The following CEMIP variants were observed in gnomAD, a reference collection of about 807,000 sequenced individuals.
CEMIP encodes cell migration inducing hyaluronidase 1, also known as cell migration-inducing and hyaluronan-binding protein.
Under a neutral mutation model 156.9 loss-of-function variants are expected in CEMIP, and 105 were observed. The observed-to-expected ratio is 0.67, with a 90% confidence interval of 0.57 to 0.79. CEMIP has a LOEUF of 0.79. Ranked by LOEUF, CEMIP falls within the 30% of genes least tolerant of loss-of-function variation. The probability of loss-of-function intolerance (pLI) is 0.00; values close to 1 mark genes in which losing one functional copy is unlikely to be tolerated. For missense variants in CEMIP, 1,457 were observed against 1,769.4 expected (o/e 0.82, Z 3.17); for synonymous variants, 676 against 668.4 (o/e 1.01, Z -0.17).
intron 1 of CEMIP, among the ~76,000 whole-genome samples, chr15:80,871,388 G>A (rs1192623171): frequency 1.3e-5 from 2 of 152,170 alleles, no homozygotes; most frequent in African/African-American, 4.8e-5. Flanking sequence ...CCTCCATGTG[G>A]AATTATTTTT....
chr15:80,899,173 A>T (rs1250607607), intron 12 of CEMIP, among the ~76,000 whole-genome samples: 1 of 150,202 alleles, frequency 6.7e-6, no homozygotes. Flanking sequence ...AGATCATGCC[A>T]CTGCACTCCA....
intron 3 of CEMIP, 117 bp from the exon 4 acceptor site, chr15:80,878,604 T>A: frequency 2.2e-6 from 3 of 1,351,656 alleles, no homozygotes; most frequent in Non-Finnish European, 3.1e-6. Flanking sequence ...TGCTTTTAGC[T>A]CTAACAGAGA....
intron 1 of CEMIP, among the ~76,000 whole-genome samples, chr15:80,786,230 G>T (rs1895934092): frequency 6.6e-6 from 1 of 151,990 alleles, no homozygotes; most frequent in Non-Finnish European, 1.5e-5. Context: ...GGTTTGTGTT[G>T]CTATGTCTTT....
intron 19 of CEMIP, among the ~76,000 whole-genome samples, chr15:80,928,437 A>G (rs1900775471): frequency 6.6e-6 from 1 of 152,132 alleles, no homozygotes; most frequent in Non-Finnish European, 1.5e-5. Flanking sequence ...GTAGCTATTG[A>G]TGCCTCTCTC....
chr15:80,844,237 C>T (rs1337479233), intron 1 of CEMIP, among the ~76,000 whole-genome samples: 4 of 152,238 alleles, frequency 2.6e-5, no homozygotes, highest in African/African-American at 4.8e-5. Context: ...ACCCCTGTCG[C>T]GCCCTCCCCC....
chr15:80,848,295 C>T (rs750950596), intron 1 of CEMIP, among the ~76,000 whole-genome samples: 9 of 152,152 alleles, frequency 5.9e-5, no homozygotes, highest in South Asian at 2.1e-4. Context: ...GGAAGCCACT[C>T]ACGCTCCACA....
chr15:80,831,901 T>C (rs1318513058), intron 1 of CEMIP, among the ~76,000 whole-genome samples: 1 of 152,210 alleles, frequency 6.6e-6, no homozygotes, highest in Admixed American at 6.5e-5. Context: ...TTCCTCACGT[T>C]GATCTGTGTA....
intron 1 of CEMIP, among the ~76,000 whole-genome samples, chr15:80,780,804 C>A (rs1895771771): frequency 1.3e-5 from 2 of 152,156 alleles, no homozygotes; most frequent in African/African-American, 4.8e-5. Flanking sequence ...CCAGCCACTT[C>A]CTCCACTCGG....
chr15:80,782,613 G>A (rs1895826549), intron 1 of CEMIP, among the ~76,000 whole-genome samples: 1 of 152,026 alleles, frequency 6.6e-6, no homozygotes, highest in African/African-American at 2.4e-5. Context: ...CCACAAAAGT[G>A]TGTGTGTGTG....
At chr15:80,789,979 G>A (rs1040817116) in intron 1 of CEMIP, among the ~76,000 whole-genome samples, 3 of 152,192 alleles carry the variant, frequency 2.0e-5, no homozygotes, top group African/African-American at 4.8e-5. Flanking sequence ...GGAACGAGGG[G>A]CAGAGAGGCA....
At chr15:80,860,956 T>C (rs1426906748) in intron 1 of CEMIP, among the ~76,000 whole-genome samples, 1 of 152,116 alleles carries the variant, frequency 6.6e-6, no homozygotes, top group East Asian at 1.9e-4. Flanking sequence ...TGCCACCTTA[T>C]CAGAGAGAGC....
intron 10 of CEMIP, among the ~76,000 whole-genome samples, chr15:80,892,249 A>G (rs953360889): frequency 3.3e-5 from 5 of 152,174 alleles, no homozygotes; most frequent in Non-Finnish European, 7.4e-5. Flanking sequence ...TTTGCAACCT[A>G]GGCAAGATTG....
Position 80,940,233 on chromosome 15 carries a change from C to A in CEMIP, c.3408-1616C>A, listed in dbSNP as rs116290939. Among the ~76,000 whole-genome samples the A allele has an allele frequency of 6.8e-3, 1,035 of 152,264 alleles. 15 individuals carry two copies. Among genetic ancestry groups the A allele is most frequent in the African/African-American group, 0.024 (991 of 41,528 alleles). Reference sequence around the variant, plus strand: ...TGCCTTCCAGGGCTTTGCAGTTCAGCCAGCTTGCACACATCCAAGTTGTAG... The same window carrying A: ...TGCCTTCCAGGGCTTTGCAGTTCAGACAGCTTGCACACATCCAAGTTGTAG... On this transcript the variant is annotated intron_variant, in intron 25 of 29. Transcript: ENST00000394685.
At chr15:80,814,764 C>T (rs933480215) in intron 1 of CEMIP, among the ~76,000 whole-genome samples, 1 of 152,234 alleles carries the variant, frequency 6.6e-6, no homozygotes, top group Non-Finnish European at 1.5e-5. Flanking sequence ...AGAGATTTCA[C>T]TAATTCCTCC....
intron 10 of CEMIP, among the ~76,000 whole-genome samples, chr15:80,894,786 T>C (rs1332537846): frequency 6.6e-6 from 1 of 152,198 alleles, no homozygotes; most frequent in Non-Finnish European, 1.5e-5. Context: ...GCCAGGCATT[T>C]ATCTATTCCA....
At chr15:80,852,501 T>C (rs1897738206) in intron 1 of CEMIP, among the ~76,000 whole-genome samples, 1 of 152,170 alleles carries the variant, frequency 6.6e-6, no homozygotes, top group Admixed American at 6.5e-5. Context: ...TTTTAATAGT[T>C]GCGTATCGAA....
chr15:80,924,656 C>A lies in CEMIP; in HGVS notation c.2238C>A (p.Thr746=), dbSNP rs748941243. 1 of 1,614,226 alleles carries A rather than the reference C, an allele frequency of 6.2e-7. No individual in the cohort carries two copies. Among genetic ancestry groups the A allele is most frequent in the South Asian group, 1.1e-5 (1 of 91,074 alleles). Residue 746 remains threonine, a synonymous_variant, in exon 18 of 30, where the codon ACC becomes ACA. Transcript: ENST00000394685. The part of the protein sequence containing the change: ...GMIIDNGVKT[T]EASAKDKRPF... Reference sequence around the variant, plus strand: ...TCATAGACAACGGAGTCAAAACCACCGAGGCCTCTGCCAAGGACAAGCGGC... The same window carrying A: ...TCATAGACAACGGAGTCAAAACCACAGAGGCCTCTGCCAAGGACAAGCGGC...
chr15:80,929,017 A>C lies in CEMIP; in HGVS notation c.2457-2A>C. ...CTCACCTTAAACATCTTCTCTCTAC[A>C]GTGGTGGAACCTTCCCGTATGACGA... On this transcript the variant is annotated splice_acceptor_variant, in intron 20 of 29. Transcript: ENST00000394685. LOFTEE classifies it high-confidence loss of function. 1 of 1,614,168 alleles carries C rather than the reference A, an allele frequency of 6.2e-7. No homozygotes were observed. The highest frequency in any genetic ancestry group is 1.1e-5 in the South Asian group (1 of 91,082).
At chr15:80,807,473 C>T (rs1896542362) in intron 1 of CEMIP, among the ~76,000 whole-genome samples, 1 of 152,162 alleles carries the variant, frequency 6.6e-6, no homozygotes, top group South Asian at 2.1e-4. Context: ...GATCCTCCTG[C>T]CTTGGCCTCC....
Sources: gnomAD v4.1 joint callset for allele counts (sites outside exome capture counted in the v4.1 genomes callset) on GRCh38, gnomAD v4.1.1 for gene constraint, MANE v1.5 for transcripts, NCBI Gene and HGNC (gene_info 2026-07-23, HGNC 2026-07-21) for gene names.